Variants in MCTP1 observed in about 807,000 individuals in gnomAD.
MCTP1 encodes multiple C2 and transmembrane domain-containing protein 1.
A neutral mutation model predicts 120.6 loss-of-function variants in MCTP1; 69 were observed. That is an observed-to-expected ratio of 0.57 (90% confidence interval 0.47 to 0.70). The LOEUF (loss-of-function observed/expected upper bound fraction) is 0.70, where lower values mean the gene tolerates loss of function less well. MCTP1 is among the 30% of genes least tolerant of loss of function. The pLI is 0.00. For missense variants in MCTP1, 1,203 were observed against 1,248.8 expected, an observed-to-expected ratio of 0.96 and a Z score of 0.55; for synonymous variants, 529 against 493.1, an observed-to-expected ratio of 1.07 and a Z score of -0.96.
intron 8 of MCTP1, 95 bp downstream of exon 8, chr5:94,917,801 T>A: frequency 1.1e-6 from 1 of 869,778 alleles, no homozygotes; most frequent in Non-Finnish European, 1.9e-6. Flanking sequence ...TAGGTTAGTA[T>A]AGGGAGTGGG....
chr5:94,921,350 T>C (rs1811606508), intron 7 of MCTP1, among the ~76,000 whole-genome samples: 1 of 152,236 alleles, frequency 6.6e-6, no homozygotes, highest in African/African-American at 2.4e-5. Context: ...AAAATTAAGA[T>C]ACAGCAAGTA....
In MCTP1 at chr5:95,007,167, C is replaced by T. The variant is rs989575963; in HGVS notation, c.838+10200G>A. 2.6e-5 allele frequency among the ~76,000 whole-genome samples: 4 copies of T among 152,252 alleles called. No homozygotes were observed. In the East Asian group the frequency reaches 7.7e-4, roughly 29 times the overall value. On this transcript the variant is annotated intron_variant, in intron 2 of 22. Transcript: ENST00000515393. ...ATATAACCATCAGATCTTATGAGCA[C>T]TCACTATCATGAGAACAGCATGAGG...
chr5:94,789,545 T>A (rs914612323), intron 18 of MCTP1: 29 of 152,152 alleles, frequency 1.9e-4, no homozygotes, highest in African/African-American at 7.0e-4. Flanking sequence ...AAACCAAACA[T>A]GGAGTTACTA....
chr5:94,787,385 G>A (rs1777947453), intron 18 of MCTP1, among the ~76,000 whole-genome samples: 1 of 152,054 alleles, frequency 6.6e-6, no homozygotes, highest in Non-Finnish European at 1.5e-5. Context: ...CGTATACATT[G>A]CAAGGGGACT....
At chr5:94,947,577 T>TATATATATAGAGAGAGAGAG in intron 3 of MCTP1, among the ~76,000 whole-genome samples, 10 of 47,380 alleles carry the variant, frequency 2.1e-4, no homozygotes, top group South Asian at 7.0e-4. Context: ...TATATATATA[T>TATATATATAGAGAGAGAGAG]AGAGAGAGAG....
chr5:95,068,612 G>A (rs1433605813), intron 1 of MCTP1, among the ~76,000 whole-genome samples: 2 of 152,100 alleles, frequency 1.3e-5, no homozygotes, highest in Non-Finnish European at 2.9e-5. Flanking sequence ...CTGATTGGCC[G>A]GGATCTGTTT....
intron 1 of MCTP1, among the ~76,000 whole-genome samples, chr5:95,197,664 C>T (rs1750541717): frequency 6.6e-6 from 1 of 152,090 alleles, no homozygotes; most frequent in Non-Finnish European, 1.5e-5. Flanking sequence ...TACACATATG[C>T]ATACAAAGGA....
chr5:95,069,445 A>T (rs1203166269), intron 1 of MCTP1, among the ~76,000 whole-genome samples: 6 of 146,626 alleles, frequency 4.1e-5, no homozygotes, highest in East Asian at 2.0e-4. Flanking sequence ...GGAGCATAGC[A>T]TTTTTTTTTT....
chr5:95,150,540 G>A (rs1760793543), intron 1 of MCTP1, among the ~76,000 whole-genome samples: 1 of 152,154 alleles, frequency 6.6e-6, no homozygotes, highest in Non-Finnish European at 1.5e-5. Context: ...ACTTTTGGAT[G>A]AGAAAAGTTA....
chr5:94,847,692 A>G (rs898774279), intron 17 of MCTP1, among the ~76,000 whole-genome samples: 37 of 148,700 alleles, frequency 2.5e-4, no homozygotes, highest in Admixed American at 8.1e-4. Context: ...GTATATATAT[A>G]TATATATATA....
At chr5:95,158,685 G>A (rs1437141995) in intron 1 of MCTP1, among the ~76,000 whole-genome samples, 1 of 151,980 alleles carries the variant, frequency 6.6e-6, no homozygotes, top group Non-Finnish European at 1.5e-5. Context: ...CAGCACTTTG[G>A]GAGGCCAAGG....
At chr5:94,748,553 T>G in intron 19 of MCTP1, among the ~76,000 whole-genome samples, 1 of 152,232 alleles carries the variant, frequency 6.6e-6, no homozygotes, top group East Asian at 1.9e-4. Context: ...TAGATTCAAA[T>G]CTTTGACTGG....
chr5:94,983,840 C>A (rs1427383925), intron 2 of MCTP1, among the ~76,000 whole-genome samples: 1 of 152,178 alleles, frequency 6.6e-6, no homozygotes, highest in African/African-American at 2.4e-5. Flanking sequence ...TAAATGTCAG[C>A]CGAAGCTGAG....
chr5:94,800,458 C>T (rs1046405698), intron 17 of MCTP1, among the ~76,000 whole-genome samples: 4 of 152,148 alleles, frequency 2.6e-5, no homozygotes, highest in African/African-American at 9.6e-5. Context: ...GGGACATTTG[C>T]AGTCTTCTTA....
At chr5:95,064,296 C>T (rs746426137) in intron 1 of MCTP1, among the ~76,000 whole-genome samples, 70 of 152,166 alleles carry the variant, frequency 4.6e-4, no homozygotes, top group Non-Finnish European at 1.9e-4. Flanking sequence ...CCAATAACCA[C>T]CCTCAATCCA....
chr5:94,894,754 C>G lies in MCTP1; in HGVS notation c.1734G>C (p.Leu578=), dbSNP rs1286708135. The G allele has an allele frequency of 3.1e-6, 5 of 1,613,688 alleles. No homozygotes were observed. The highest frequency in any genetic ancestry group is 3.4e-6 in the Non-Finnish European group (4 of 1,179,712). Residue 578 remains leucine (L), a synonymous_variant, in exon 11 of 23, where the codon CTG becomes CTC. Coordinates refer to ENST00000515393, the MANE Select transcript of MCTP1 (RefSeq NM_024717.7). ...ATGCTGTCAGAGTGACCAGCAGCAC[C>G]AGGTGTCCCTCACCCTCTTCCAGCT... is the stretch of plus-strand genomic sequence containing the variant. The part of the protein sequence containing the change: ...ELQLEEGEGH[L]VLLVTLTASA...
At chr5:95,197,732 T>C (rs568282300) in intron 1 of MCTP1, among the ~76,000 whole-genome samples, 2 of 152,184 alleles carry the variant, frequency 1.3e-5, no homozygotes, top group South Asian at 2.1e-4. Flanking sequence ...TATATTTATG[T>C]ACATAGCTCT....
At chr5:94,827,330 A>G (rs780154629) in intron 17 of MCTP1, among the ~76,000 whole-genome samples, 13 of 152,186 alleles carry the variant, frequency 8.5e-5, no homozygotes, top group Non-Finnish European at 1.5e-4. Context: ...GCTTCTGCAG[A>G]GAGGTCCACT....
At position 94,913,062 on chromosome 5, in the gene MCTP1, T is replaced by C. The variant is rs1016251365; in HGVS notation, c.1351-86A>G. On this transcript the variant is annotated intron_variant, in intron 8 of 22. Coordinates refer to ENST00000515393, the MANE Select transcript of MCTP1 (RefSeq NM_024717.7). ...GCGTTACCTTTTCTCCTGTTATGAT[T>C]CTTCAAAAAATAAAGGATCGGCAAT... 8.3e-6 allele frequency: 7 copies of C among 847,814 alleles called. No homozygotes were observed. In the African/African-American group the frequency reaches 8.8e-5, roughly 11 times the overall value. The allele number at this position is 847,814 out of a possible 1,614,324, so 52.5% of individuals were successfully genotyped here.
Sources: allele counts gnomAD v4.1 joint callset (sites outside exome capture counted in the v4.1 genomes callset), GRCh38; gene constraint gnomAD v4.1.1; transcripts MANE v1.5; gene names NCBI Gene and HGNC (gene_info 2026-07-23, HGNC 2026-07-21).